MDGA2: variants seen among roughly 807,000 people sequenced by gnomAD.
MDGA2 encodes the protein MAM domain containing glycosylphosphatidylinositol anchor 2.
MDGA2 carries 40 observed loss-of-function variants against 117.8 expected under a neutral mutation model. The ratio of observed to expected loss-of-function variants is 0.34; its 90% confidence interval spans 0.26 to 0.44. The LOEUF is 0.44. Ranked by LOEUF, MDGA2 falls within the 20% of genes least tolerant of loss-of-function variation. The probability of loss-of-function intolerance (pLI) is 1.00; values close to 1 mark genes in which losing one functional copy is unlikely to be tolerated. For synonymous variants in MDGA2, 452 were observed against 439.0 expected, an observed-to-expected ratio of 1.03 and a Z score of -0.37; for missense variants, 1,123 against 1,250.6, an observed-to-expected ratio of 0.90 and a Z score of 1.54.
intron 8 of MDGA2, among the ~76,000 whole-genome samples, chr14:46,985,009 T>C (rs1886811658): frequency 6.6e-6 from 1 of 152,026 alleles, no homozygotes; most frequent in South Asian, 2.1e-4. Flanking sequence ...ATTTTCTCCC[T>C]TAAATCTTCA....
rs1594918273 is a variant in MDGA2, at chr14:47,561,171, G to GTTTT, written c.280+113345_280+113346insAAAA. Reference sequence around the variant, plus strand: ...TTTTTTTGTTTTGTTTTGTTTTTTTGTTTGTTTGTTTTTTTTTGCTTAGGA... The same window carrying GTTTT: ...TTTTTTTGTTTTGTTTTGTTTTTTTGTTTTTTTGTTTGTTTTTTTTTGCTTAGGA... On this transcript the variant is annotated intron_variant, in intron 1 of 16. Transcript: ENST00000399232. Among the ~76,000 whole-genome samples, 9 of 68,470 alleles carry GTTTT rather than the reference G, an allele frequency of 1.3e-4. No individual in the cohort carries two copies. The East Asian group carries it at 6.0e-3, about 45-fold the overall frequency. The allele number at this position is 68,470 out of a possible 152,430, so 44.9% of individuals were successfully genotyped here.
At chr14:47,450,065 G>A (rs887078027) in intron 1 of MDGA2, among the ~76,000 whole-genome samples, 8 of 151,868 alleles carry the variant, frequency 5.3e-5, no homozygotes, top group African/African-American at 1.7e-4. Flanking sequence ...ATAGTGCAAT[G>A]TTTCATTATA....
intron 10 of MDGA2, among the ~76,000 whole-genome samples, chr14:46,908,122 G>A (rs1566519159): frequency 1.3e-5 from 2 of 152,088 alleles, no homozygotes; most frequent in Non-Finnish European, 2.9e-5. Flanking sequence ...ACAATTTCTG[G>A]TGCTTATTAC....
chr14:47,173,683 C>T (rs1348942501), intron 3 of MDGA2, among the ~76,000 whole-genome samples: 5 of 152,290 alleles, frequency 3.3e-5, no homozygotes, highest in African/African-American at 4.8e-5. Flanking sequence ...CGGTACCAGC[C>T]ACTGCAAAAT....
At chr14:47,530,320 C>T (rs938006901) in intron 1 of MDGA2, among the ~76,000 whole-genome samples, 2 of 152,160 alleles carry the variant, frequency 1.3e-5, no homozygotes, top group African/African-American at 4.8e-5. Flanking sequence ...TCTAGCTTCA[C>T]GTCCTGTTTC....
chr14:46,953,281 T>TA (rs1422610531), intron 9 of MDGA2, among the ~76,000 whole-genome samples: 2 of 151,168 alleles, frequency 1.3e-5, no homozygotes, highest in Admixed American at 6.6e-5. Flanking sequence ...GGTTATGCAA[T>TA]AAAAAATCTA....
intron 8 of MDGA2, among the ~76,000 whole-genome samples, chr14:46,979,987 C>T (rs980167104): frequency 2.0e-5 from 3 of 152,174 alleles, no homozygotes; most frequent in African/African-American, 7.2e-5. Flanking sequence ...GAAGTCAATG[C>T]ATGGCTTCAA....
chr14:47,083,511 T>A (rs1890783636), intron 6 of MDGA2, among the ~76,000 whole-genome samples: 2 of 151,818 alleles, frequency 1.3e-5, no homozygotes, highest in African/African-American at 2.4e-5. Flanking sequence ...CCACAAGAAG[T>A]CAAGACAAAG....
chr14:47,341,399 C>T (rs1466314092), intron 1 of MDGA2, among the ~76,000 whole-genome samples: 2 of 152,136 alleles, frequency 1.3e-5, no homozygotes, highest in Non-Finnish European at 2.9e-5. Flanking sequence ...CTTTTCAACA[C>T]TGATGACGAT....
intron 1 of MDGA2, among the ~76,000 whole-genome samples, chr14:47,540,922 C>T (rs1247578715): frequency 6.6e-6 from 1 of 152,018 alleles, no homozygotes; most frequent in Non-Finnish European, 1.5e-5. Context: ...AACACAATCA[C>T]CATGAAGGAA....
At chr14:47,479,182 G>T (rs558588328) in intron 1 of MDGA2, among the ~76,000 whole-genome samples, 110 of 152,270 alleles carry the variant, frequency 7.2e-4, no homozygotes, top group Non-Finnish European at 1.2e-3. Context: ...AAATGATGAT[G>T]ATTTAAATAA....
chr14:47,380,156 T>C (rs1891580198), intron 1 of MDGA2, among the ~76,000 whole-genome samples: 1 of 152,194 alleles, frequency 6.6e-6, no homozygotes. Flanking sequence ...GAAATAAAGA[T>C]GTTCTTTGAA....
intron 1 of MDGA2, among the ~76,000 whole-genome samples, chr14:47,636,789 A>C (rs1897330487): frequency 9.9e-6 from 1 of 100,720 alleles, no homozygotes; most frequent in African/African-American, 3.4e-5. Context: ...CGTCTCAAAA[A>C]AAAAAAAAAA....
intron 1 of MDGA2, among the ~76,000 whole-genome samples, chr14:47,385,620 G>A (rs1414029828): frequency 6.6e-6 from 1 of 152,118 alleles, no homozygotes; most frequent in African/African-American, 2.4e-5. Flanking sequence ...AGAAAGGTGA[G>A]TGAGCATCAA....
chr14:47,492,986 A>T (rs1486033524), intron 1 of MDGA2, among the ~76,000 whole-genome samples: 1 of 152,050 alleles, frequency 6.6e-6, no homozygotes, highest in African/African-American at 2.4e-5. Context: ...CTAATGCTAC[A>T]TTTATCTTTT....
chr14:46,906,972 C>CTT (rs372756942), intron 10 of MDGA2, among the ~76,000 whole-genome samples: 104 of 99,536 alleles, frequency 1.0e-3, no homozygotes, highest in Non-Finnish European at 1.6e-3. Context: ...TTACCTTTTT[C>CTT]TTTTTTTTTT....
intron 1 of MDGA2, among the ~76,000 whole-genome samples, chr14:47,590,915 T>C (rs1896424972): frequency 6.6e-6 from 1 of 152,048 alleles, no homozygotes; most frequent in Non-Finnish European, 1.5e-5. Context: ...GTCAGAAGGA[T>C]AATTTTCCAT....
chr14:47,234,381 G>A (rs920863204), intron 2 of MDGA2, among the ~76,000 whole-genome samples: 1 of 151,928 alleles, frequency 6.6e-6, no homozygotes, highest in African/African-American at 2.4e-5. Flanking sequence ...ATCAATTAAG[G>A]TTTGGACATA....
At chr14:47,605,355 T>C (rs1317424607) in intron 1 of MDGA2, among the ~76,000 whole-genome samples, 1 of 152,228 alleles carries the variant, frequency 6.6e-6, no homozygotes, top group Non-Finnish European at 1.5e-5. Context: ...TGGATGCACA[T>C]GCACACACTT....
Sources: gnomAD v4.1 joint callset for allele counts (sites outside exome capture counted in the v4.1 genomes callset) on GRCh38, gnomAD v4.1.1 for gene constraint, MANE v1.5 for transcripts, NCBI Gene and HGNC (gene_info 2026-07-23, HGNC 2026-07-21) for gene names.